Variants in CEP78 observed in about 807,000 individuals in gnomAD.
CEP78 encodes centrosomal protein 78.
CEP78 carries 76 observed loss-of-function variants against 81.2 expected under a neutral mutation model. That is an observed-to-expected ratio of 0.94 (90% CI 0.78 to 1.13). CEP78 has a LOEUF of 1.13. CEP78 is among the 50% of genes most tolerant of loss of function. CEP78 has a pLI of 0.00. For missense variants in CEP78, 918 were observed against 846.8 expected (o/e 1.08, Z -1.04); for synonymous variants, 293 against 301.4 (o/e 0.97, Z 0.29).
Position 78,266,689 on chromosome 9 carries a change from A to G in CEP78, c.2093A>G (p.Lys698Arg). The G allele has an allele frequency of 6.2e-7, 1 of 1,612,136 alleles. No homozygotes were observed. The highest frequency in any genetic ancestry group is 1.3e-5 in the African/African-American group (1 of 75,024). The stretch of plus-strand genomic sequence containing the variant: ...AGAAATAGCAGATCTTCTTCAGAGA[A>G]AAAGACCAAAACAGGTGAATATACC... ...LSRNSRSSSE[K>R]KTKTESH Residue 698 changes from lysine (K) to arginine (R), a missense_variant, in exon 16 of 17, where the codon AAA becomes AGA. Lys to Arg is a conservative substitution (Grantham distance 26). Transcript: ENST00000643273.
At position 78,275,542 on chromosome 9, in the gene CEP78, T is replaced by C. The variant is rs1029596725; in HGVS notation, c.*4691T>C. ...GTCGCTTGAACCTGGGAGGCAGAGGTTGCAGTGAGCTGAGGTCACACCGTT... is the reference window on the plus strand; with the variant it reads ...GTCGCTTGAACCTGGGAGGCAGAGGCTGCAGTGAGCTGAGGTCACACCGTT... On this transcript the variant is annotated 3_prime_UTR_variant, in exon 17 of 17. Transcript: ENST00000643273. 1 of 148,262 alleles carries C rather than the reference T, an allele frequency of 6.7e-6. No individual in the cohort carries two copies. Among genetic ancestry groups the C allele is most frequent in the Admixed American group, 6.7e-5 (1 of 14,836 alleles). 9.2% of individuals were successfully genotyped at this position (148,262 alleles called of 1,614,324 possible). A position where few individuals can be genotyped will look rare whatever the true frequency, so the allele number is the denominator to read the frequency against.
Position 78,279,347 on chromosome 9 carries a change from A to C in CEP78, c.*8496A>C, listed in dbSNP as rs1827861924. On this transcript the variant is annotated 3_prime_UTR_variant, in exon 17 of 17. Transcript: ENST00000643273. The stretch of plus-strand genomic sequence containing the variant: ...ACTAAAATCAGTTTGCCAAATAACC[A>C]GCTCTAATTTCTTTATACCAAAGCC... 6.6e-6 allele frequency: 1 copy of C among 152,224 alleles called. No homozygotes were observed. The allele number at this position is 152,224 out of a possible 1,614,324, so 9.4% of individuals were successfully genotyped here. A position where few individuals can be genotyped will look rare whatever the true frequency, so the allele number is the denominator to read the frequency against.
rs777712949 is a variant in CEP78 at position 78,263,018 on chromosome 9, T to C, written c.1458+34T>C. On this transcript the variant is annotated intron_variant, in intron 12 of 16. Transcript: ENST00000643273. ...AAGTTTTCTTACCTTTTGAGAGTTT[T>C]TTGTTTTGGTTTTGGTTTAACTTTA... The C allele has an allele frequency of 1.5e-4, 215 of 1,402,180 alleles. 1 individual carries two copies. The highest frequency in any genetic ancestry group is 2.0e-4 in the Non-Finnish European group (209 of 1,028,290). 86.9% of individuals were successfully genotyped at this position (1,402,180 alleles called of 1,614,324 possible). A position where few individuals can be genotyped will look rare whatever the true frequency, so the allele number is the denominator to read the frequency against.
intron 11 of CEP78, among the ~76,000 whole-genome samples, chr9:78,256,295 C>T (rs1310416509): frequency 6.6e-6 from 1 of 152,104 alleles, no homozygotes; most frequent in African/African-American, 2.4e-5. Flanking sequence ...GAGGGAGCTC[C>T]TTGACAGTTT....
At chr9:78,241,662 A>G (rs759027765) in intron 3 of CEP78, 34 bp from the exon 4 acceptor site, 2 of 1,019,096 alleles carry the variant, frequency 2.0e-6, no homozygotes, top group South Asian at 1.4e-5. Context: ...TATGCTCTTC[A>G]TCTTATTGTA....
At chr9:78,249,653 T>C (rs139708058) in intron 8 of CEP78, 14 of 152,258 alleles carry the variant, frequency 9.2e-5, no homozygotes, top group Admixed American at 9.1e-4. Context: ...ATTTTCTTTT[T>C]TTTTTTAAAG....
In CEP78 at chr9:78,240,365, G is replaced by A; in HGVS notation, c.499+1G>A. On this transcript the variant is annotated splice_donor_variant, in intron 3 of 16. Coordinates refer to ENST00000643273, the MANE Select transcript of CEP78 (RefSeq NM_001330691.3). LOFTEE classifies it high-confidence loss of function. The stretch of plus-strand genomic sequence containing the variant: ...CCAATTGGAGATGGAGGTTTAGAAA[G>A]TGAGTTTAAATCTCATTTAACTCTT... 3.2e-6 allele frequency: 5 copies of A among 1,571,466 alleles called. No individual in the cohort carries two copies. The highest frequency in any genetic ancestry group is 4.3e-6 in the Non-Finnish European group (5 of 1,155,470).
intron 16 of CEP78, chr9:78,266,911 G>A (rs1228263059): frequency 7.0e-7 from 1 of 1,427,324 alleles, no homozygotes; most frequent in Non-Finnish European, 9.1e-7. Flanking sequence ...ACAAATAAAA[G>A]TAAATCCAGT....
rs867427398 is a variant in CEP78 at position 78,252,009 on chromosome 9, C to A, written c.1171C>A (p.Pro391Thr). 3.7e-6 allele frequency: 6 copies of A among 1,601,344 alleles called. No homozygotes were observed. The South Asian group carries it at 4.5e-5, about 12-fold the overall frequency. Reference sequence around the variant, plus strand: ...TCCACCTGGTGTGTCTGGTTTCTTGCCGTGGCGTACTGCAGAACGTGCAAA... The same window carrying A: ...TCCACCTGGTGTGTCTGGTTTCTTGACGTGGCGTACTGCAGAACGTGCAAA... The part of the protein sequence containing the change: ...PLPPGVSGFL[P>T]WRTAERAKRH... The change falls in exon 9 of 17, where the codon CCG becomes ACG. Residue 391 changes from proline (P) to threonine (T), a missense_variant. Transcript: ENST00000643273.
chr9:78,248,316 C>CA lies in CEP78; in HGVS notation c.924dup (p.Val309SerfsTer28), dbSNP rs1049452841. ...ATCATTCTATGATGAAAGCAGTTAT[C>CA]AAAAAAGTCCTCCAGAATGGAAGGA... On this transcript the variant is annotated frameshift_variant, in exon 7 of 17. Transcript: ENST00000643273. LOFTEE classifies it high-confidence loss of function. 7.6e-6 allele frequency: 12 copies of CA among 1,578,020 alleles called. No individual in the cohort carries two copies. The highest frequency in any genetic ancestry group is 1.7e-5 in the Admixed American group (1 of 59,902).
At chr9:78,264,627 T>C (rs1433354936) in intron 13 of CEP78, among the ~76,000 whole-genome samples, 1 of 119,218 alleles carries the variant, frequency 8.4e-6, no homozygotes, top group Non-Finnish European at 1.7e-5. Context: ...CTGAGCAACA[T>C]AGCAAGAGCC....
At chr9:78,258,282 C>G (rs1229647644) in intron 11 of CEP78, among the ~76,000 whole-genome samples, 1 of 152,136 alleles carries the variant, frequency 6.6e-6, no homozygotes, top group Non-Finnish European at 1.5e-5. Context: ...TGCCTGTTCT[C>G]TTAAACACTG....
At chr9:78,261,044 G>A (rs1392571350) in intron 11 of CEP78, among the ~76,000 whole-genome samples, 3 of 151,968 alleles carry the variant, frequency 2.0e-5, no homozygotes, top group African/African-American at 7.2e-5. Context: ...TCTGCCTCCC[G>A]GGTTCAAGTG....
chr9:78,247,348 G>A (rs185775616), intron 6 of CEP78, among the ~76,000 whole-genome samples: 3 of 152,346 alleles, frequency 2.0e-5, no homozygotes, highest in Admixed American at 2.0e-4. Flanking sequence ...ACCTGATTAG[G>A]AGGGGAACAA....
Position 78,266,831 on chromosome 9 carries a change from T to C in CEP78, c.2107+128T>C. The C allele has an allele frequency of 2.0e-6, 3 of 1,465,328 alleles. No homozygotes were observed. The South Asian group carries it at 4.5e-5, about 22-fold the overall frequency. The allele number at this position is 1,465,328 out of a possible 1,614,324, so 90.8% of individuals were successfully genotyped here. A position where few individuals can be genotyped will look rare whatever the true frequency, so the allele number is the denominator to read the frequency against. ...CTAGTTCTTTGGTTAATGAACCAAT[T>C]AAAAGTAGGTCTTTGAAAAAATACG... is the stretch of plus-strand genomic sequence containing the variant. On this transcript the variant is annotated intron_variant, in intron 16 of 16. Coordinates refer to ENST00000643273, the MANE Select transcript of CEP78 (RefSeq NM_001330691.3).
intron 3 of CEP78, among the ~76,000 whole-genome samples, chr9:78,241,270 T>C (rs973714579): frequency 6.6e-6 from 1 of 152,190 alleles, no homozygotes; most frequent in Non-Finnish European, 1.5e-5. Context: ...TCTAGTACAT[T>C]AGGTGCTCTA....
intron 1 of CEP78, 179 bp downstream of exon 1, chr9:78,236,782 T>G: frequency 6.9e-6 from 5 of 724,556 alleles, no homozygotes; most frequent in Non-Finnish European, 1.0e-5. Context: ...TAACATGGGC[T>G]TAATAACGAG....
chr9:78,248,724 C>A (rs79493029), intron 7 of CEP78, 38 bp from the exon 8 acceptor site: 2 of 1,052,410 alleles, frequency 1.9e-6, no homozygotes, highest in Non-Finnish European at 2.8e-6. Flanking sequence ...CATAAATGAT[C>A]TGTAACTGAA....
rs1827737591 is a variant in CEP78 at position 78,273,453 on chromosome 9, G to C, written c.*2602G>C. On this transcript the variant is annotated 3_prime_UTR_variant, in exon 17 of 17. Coordinates refer to ENST00000643273, the MANE Select transcript of CEP78 (RefSeq NM_001330691.3). ...CTGCAATTTAAAAACTTGATGTTAGGCCGGGCGCAGCGGCTCACGCCTGTA... is the reference window on the plus strand; with the variant it reads ...CTGCAATTTAAAAACTTGATGTTAGCCCGGGCGCAGCGGCTCACGCCTGTA... 1 of 152,158 alleles carries C rather than the reference G, an allele frequency of 6.6e-6. No homozygotes were observed. The highest frequency in any genetic ancestry group is 6.5e-5 in the Admixed American group (1 of 15,278). 9.4% of individuals were successfully genotyped at this position (152,158 alleles called of 1,614,324 possible).
Sources: allele counts gnomAD v4.1 joint callset (sites outside exome capture counted in the v4.1 genomes callset), GRCh38; gene constraint gnomAD v4.1.1; transcripts MANE v1.5; gene names NCBI Gene and HGNC (gene_info 2026-07-23, HGNC 2026-07-21).